The following CDK8 variants were observed in gnomAD, a reference collection of about 807,000 sequenced individuals.
The protein encoded by CDK8 is cyclin dependent kinase 8, also known as cyclin-dependent kinase 8.
In CDK8, 29 loss-of-function variants were observed where a neutral mutation model predicts 71.5. That is an observed-to-expected ratio of 0.41 (90% CI 0.30 to 0.55). CDK8 has a LOEUF of 0.55. Among genes scored for constraint, CDK8 ranks in the 20% least tolerant of loss-of-function variants. CDK8 has a pLI of 0.37. For synonymous variants in CDK8, 161 were observed against 192.1 expected (o/e 0.84, Z 1.34); for missense variants, 288 against 572.6 (o/e 0.50, Z 5.07).
At chr13:26,333,646 A>G (rs1360802979) in intron 1 of CDK8, among the ~76,000 whole-genome samples, 1 of 152,218 alleles carries the variant, frequency 6.6e-6, no homozygotes, top group Admixed American at 6.5e-5. Flanking sequence ...TAAATATTAT[A>G]TAAAATTACC....
chr13:26,403,421 C>G (rs929286101), intron 12 of CDK8, among the ~76,000 whole-genome samples: 1 of 151,914 alleles, frequency 6.6e-6, no homozygotes, highest in Admixed American at 6.6e-5. Context: ...CCATTACACT[C>G]CAGCCTGGAT....
At chr13:26,278,564 A>C (rs1259753482) in intron 1 of CDK8, among the ~76,000 whole-genome samples, 1 of 152,238 alleles carries the variant, frequency 6.6e-6, no homozygotes, top group Non-Finnish European at 1.5e-5. Flanking sequence ...TTGCAAGAAC[A>C]GGAAGCTATG....
chr13:26,262,209 CA>C (rs1231140331), intron 1 of CDK8, among the ~76,000 whole-genome samples: 25 of 152,342 alleles, frequency 1.6e-4, no homozygotes, highest in African/African-American at 5.5e-4. Flanking sequence ...AAAACATAGT[CA>C]TTCACTGATA....
chr13:26,302,196 A>G (rs920436040), intron 1 of CDK8, among the ~76,000 whole-genome samples: 84 of 152,222 alleles, frequency 5.5e-4, no homozygotes, highest in African/African-American at 1.9e-3. Context: ...GAATTCTGCA[A>G]TGGATGCCTT....
At chr13:26,374,179 C>T (rs1458419442) in intron 4 of CDK8, among the ~76,000 whole-genome samples, 1 of 151,832 alleles carries the variant, frequency 6.6e-6, no homozygotes, top group African/African-American at 2.4e-5. Flanking sequence ...CCAGCCTGGA[C>T]AACAGAGCGA....
At chr13:26,291,012 G>A (rs917694345) in intron 1 of CDK8, among the ~76,000 whole-genome samples, 7 of 151,652 alleles carry the variant, frequency 4.6e-5, no homozygotes, top group African/African-American at 1.7e-4. Context: ...CCAGCTATTC[G>A]GGTGGTTGAG....
chr13:26,265,293 C>T (rs1871973223), intron 1 of CDK8, among the ~76,000 whole-genome samples: 2 of 152,048 alleles, frequency 1.3e-5, no homozygotes, highest in Admixed American at 6.6e-5. Context: ...TTTTGAGGGG[C>T]ATAGGCAGGT....
At chr13:26,336,951 G>A (rs891292515) in intron 1 of CDK8, among the ~76,000 whole-genome samples, 2 of 152,076 alleles carry the variant, frequency 1.3e-5, no homozygotes, top group Non-Finnish European at 2.9e-5. Context: ...TTGTATTATG[G>A]TGTGTTACTT....
At chr13:26,393,246 A>C (rs2138062595) in intron 6 of CDK8, 121 bp from the exon 7 acceptor site, 2 of 614,034 alleles carry the variant, frequency 3.3e-6, no homozygotes, top group East Asian at 5.7e-5. Context: ...AAAGAAAAAA[A>C]CACTCCCCAA....
At chr13:26,351,484 T>C (rs1360727557) in intron 3 of CDK8, among the ~76,000 whole-genome samples, 1 of 152,166 alleles carries the variant, frequency 6.6e-6, no homozygotes, top group African/African-American at 2.4e-5. Flanking sequence ...AGTCATATAA[T>C]TTAAACTTAA....
intron 1 of CDK8, among the ~76,000 whole-genome samples, chr13:26,274,588 C>T (rs984982956): frequency 1.6e-4 from 24 of 151,838 alleles, no homozygotes; most frequent in African/African-American, 3.6e-4. Flanking sequence ...CCCGCCACCA[C>T]GCCTGGCTAA....
intron 4 of CDK8, among the ~76,000 whole-genome samples, chr13:26,360,150 T>G (rs1466769525): frequency 2.0e-5 from 3 of 152,206 alleles, no homozygotes; most frequent in African/African-American, 7.2e-5. Context: ...CTGGGAAGAA[T>G]TCTGTGATAA....
At chr13:26,335,129 A>G (rs1312621131) in intron 1 of CDK8, among the ~76,000 whole-genome samples, 1 of 152,114 alleles carries the variant, frequency 6.6e-6, no homozygotes, top group African/African-American at 2.4e-5. Context: ...AACCTCGTGT[A>G]TTACTCCAGC....
intron 4 of CDK8, among the ~76,000 whole-genome samples, chr13:26,380,265 C>T (rs1875155296): frequency 6.6e-6 from 1 of 152,106 alleles, no homozygotes; most frequent in Admixed American, 6.5e-5. Context: ...CTGCAACCTC[C>T]GCCTCCCAGG....
chr13:26,355,075 T>C (rs1034551333), intron 4 of CDK8, among the ~76,000 whole-genome samples: 2 of 152,238 alleles, frequency 1.3e-5, no homozygotes, highest in East Asian at 1.9e-4. Flanking sequence ...CTCGCAAAGA[T>C]GTTCTTCACA....
intron 4 of CDK8, among the ~76,000 whole-genome samples, chr13:26,369,126 G>T (rs868038544): frequency 6.6e-6 from 1 of 151,894 alleles, no homozygotes; most frequent in African/African-American, 2.4e-5. Flanking sequence ...GGAATTATTT[G>T]TTCCTTGAAA....
In CDK8 at chr13:26,254,686, G is replaced by A. The variant is rs1433592920; in HGVS notation, c.45G>A (p.Arg15=). The A allele has an allele frequency of 2.5e-6, 4 of 1,612,808 alleles. No homozygotes were observed. Among genetic ancestry groups the A allele is most frequent in the Non-Finnish European group, 3.4e-6 (4 of 1,179,432 alleles). ...TGAAGCTGAGCAGCGAGCGGGAGCG[G>A]GTCGAGGACCTGTTTGAATACGAGG... ...FKVKLSSERE[R]VEDLFEYEGC... The change falls in exon 1 of 13, where the codon CGG becomes CGA. Residue 15 remains arginine, a synonymous_variant. Coordinates refer to ENST00000381527, the MANE Select transcript of CDK8 (RefSeq NM_001260.3). This position sits in a 1 kb window ranked among gnomAD's most constrained non-coding sequence, Gnocchi z 6.7.
At chr13:26,343,698 C>T (rs1401761304) in intron 2 of CDK8, among the ~76,000 whole-genome samples, 1 of 152,124 alleles carries the variant, frequency 6.6e-6, no homozygotes, top group African/African-American at 2.4e-5. Context: ...AAGCACTGTA[C>T]ACTTAGGCCA....
At chr13:26,309,142 T>G (rs1874171577) in intron 1 of CDK8, among the ~76,000 whole-genome samples, 1 of 568 alleles carries the variant, frequency 1.8e-3, no homozygotes, top group Non-Finnish European at 4.0e-3. Context: ...TGTATATAGA[T>G]TTTTTTTTTT....
Sources: allele counts gnomAD v4.1 joint callset (sites outside exome capture counted in the v4.1 genomes callset), GRCh38; gene constraint gnomAD v4.1.1; non-coding constraint Gnocchi (gnomAD v3.1); transcripts MANE v1.5; gene names NCBI Gene and HGNC (gene_info 2026-07-23, HGNC 2026-07-21).